FHIT: variants seen among roughly 807,000 people sequenced by gnomAD.
FHIT encodes the protein fragile histidine triad diadenosine triphosphatase.
A neutral mutation model predicts 17.9 loss-of-function variants in FHIT; 19 were observed. The observed-to-expected ratio is 1.06, with a 90% CI of 0.74 to 1.56. FHIT has a LOEUF of 1.56. Among genes scored for constraint, FHIT ranks in the 40% most tolerant of loss-of-function variants. The probability of loss-of-function intolerance (pLI) is 0.00; values close to 1 mark genes in which losing one functional copy is unlikely to be tolerated. For missense variants in FHIT, 248 were observed against 189.2 expected (o/e 1.31, Z -1.82); for synonymous variants, 81 against 69.7 (o/e 1.16, Z -0.81).
At chr3:60,170,373 C>G (rs1051121158) in intron 5 of FHIT, among the ~76,000 whole-genome samples, 9 of 152,138 alleles carry the variant, frequency 5.9e-5, no homozygotes, top group African/African-American at 1.9e-4. Flanking sequence ...AGCTTGGTAT[C>G]CCCACTATTT....
At chr3:59,958,553 A>G (rs1353693217) in intron 7 of FHIT, among the ~76,000 whole-genome samples, 1 of 152,246 alleles carries the variant, frequency 6.6e-6, no homozygotes, top group Admixed American at 6.5e-5. Context: ...TAACAAAATC[A>G]GGAACAGCAA....
chr3:60,550,874 G>A (rs1254706181), intron 4 of FHIT, among the ~76,000 whole-genome samples: 1 of 152,102 alleles, frequency 6.6e-6, no homozygotes, highest in African/African-American at 2.4e-5. Flanking sequence ...AAGCAGTAGA[G>A]ACTACAAGCC....
intron 1 of FHIT, among the ~76,000 whole-genome samples, chr3:61,227,052 A>G (rs1220951988): frequency 6.6e-6 from 1 of 152,242 alleles, no homozygotes; most frequent in African/African-American, 2.4e-5. Flanking sequence ...TCAGGTCAGT[A>G]AAGGTTTCTC....
intron 4 of FHIT, among the ~76,000 whole-genome samples, chr3:60,642,330 C>T (rs1317524517): frequency 6.6e-6 from 1 of 152,210 alleles, no homozygotes; most frequent in Non-Finnish European, 1.5e-5. Flanking sequence ...ATCTTCAAAG[C>T]CACAGTTAGT....
chr3:60,466,965 C>T (rs1036758101), intron 5 of FHIT, among the ~76,000 whole-genome samples: 14 of 151,616 alleles, frequency 9.2e-5, no homozygotes, highest in South Asian at 2.1e-4. Context: ...TGGTTCTTTA[C>T]GCATTTGCTA....
chr3:59,788,850 C>G (rs925299451), intron 8 of FHIT, among the ~76,000 whole-genome samples: 6 of 114,826 alleles, frequency 5.2e-5, no homozygotes, highest in African/African-American at 2.1e-4. Flanking sequence ...CCACTAATGT[C>G]TCAGAACCAC....
chr3:60,354,758 T>C (rs921716033), intron 5 of FHIT, among the ~76,000 whole-genome samples: 2 of 152,222 alleles, frequency 1.3e-5, no homozygotes, highest in Non-Finnish European at 2.9e-5. Flanking sequence ...TGGCTGATTC[T>C]GCTTAACTCT....
intron 5 of FHIT, among the ~76,000 whole-genome samples, chr3:60,362,451 A>T (rs925557425): frequency 2.6e-5 from 4 of 152,176 alleles, no homozygotes; most frequent in Non-Finnish European, 5.9e-5. Flanking sequence ...GAACAAATTA[A>T]TTTATCTCAC....
intron 4 of FHIT, among the ~76,000 whole-genome samples, chr3:60,604,860 T>A (rs550149141): frequency 6.6e-6 from 1 of 152,278 alleles, no homozygotes; most frequent in South Asian, 2.1e-4. Context: ...ATAGATTCCA[T>A]TCTGTTATCA....
intron 4 of FHIT, among the ~76,000 whole-genome samples, chr3:60,731,625 A>G (rs2042032008): frequency 6.6e-6 from 1 of 152,048 alleles, no homozygotes; most frequent in Non-Finnish European, 1.5e-5. Context: ...GCGTCCCTAT[A>G]AGGTCATACA....
At chr3:60,487,330 TACTC>T (rs751518223) in intron 5 of FHIT, among the ~76,000 whole-genome samples, 3 of 152,206 alleles carry the variant, frequency 2.0e-5, no homozygotes, top group Non-Finnish European at 4.4e-5. Flanking sequence ...ATGAGAAACT[TACTC>T]AGGCAGGCTC....
At chr3:60,974,211 T>G (rs934834178) in intron 3 of FHIT, among the ~76,000 whole-genome samples, 1 of 152,226 alleles carries the variant, frequency 6.6e-6, no homozygotes, top group African/African-American at 2.4e-5. Context: ...TTTTTCCTCA[T>G]ACAAAATTTA....
intron 3 of FHIT, among the ~76,000 whole-genome samples, chr3:60,983,257 T>C (rs1710570951): frequency 6.6e-6 from 1 of 151,950 alleles, no homozygotes; most frequent in Non-Finnish European, 1.5e-5. Flanking sequence ...TTTATTGGAA[T>C]GTGCCATCCA....
At chr3:60,798,790 C>T (rs2594163) in intron 4 of FHIT, among the ~76,000 whole-genome samples, 53,060 of 134,014 alleles carry the variant, frequency 0.4, 11,940 homozygotes, top group East Asian at 0.77. Flanking sequence ...CTGAGTCTTG[C>T]TCTGTTGCCC....
intron 4 of FHIT, among the ~76,000 whole-genome samples, chr3:60,614,751 G>A (rs552375066): frequency 2.1e-4 from 32 of 151,750 alleles, no homozygotes; most frequent in African/African-American, 7.5e-4. Context: ...CATCGTAACA[G>A]GGTGCCTGGT....
At chr3:59,935,117 T>C (rs533973913) in intron 7 of FHIT, among the ~76,000 whole-genome samples, 31 of 152,266 alleles carry the variant, frequency 2.0e-4, no homozygotes, top group African/African-American at 7.0e-4. Context: ...CAGTTAGACA[T>C]GCAGGAGCTC....
At chr3:60,985,688 G>A (rs1477573122) in intron 3 of FHIT, among the ~76,000 whole-genome samples, 1 of 152,198 alleles carries the variant, frequency 6.6e-6, no homozygotes, top group East Asian at 1.9e-4. Context: ...TTTCTGATTG[G>A]ATAAATGTAA....
intron 8 of FHIT, among the ~76,000 whole-genome samples, chr3:59,842,766 T>C (rs575789423): frequency 6.6e-6 from 1 of 152,282 alleles, no homozygotes; most frequent in African/African-American, 2.4e-5. Context: ...ATTTTTGTTG[T>C]TGTTGCTGAG....
chr3:60,401,166 T>C (rs1036603016), intron 5 of FHIT, among the ~76,000 whole-genome samples: 4 of 152,188 alleles, frequency 2.6e-5, no homozygotes, highest in Admixed American at 6.5e-5. Context: ...TTTGCTTTGC[T>C]TGTAGTGATT....
Sources: gnomAD v4.1 joint callset for allele counts (sites outside exome capture counted in the v4.1 genomes callset) on GRCh38, gnomAD v4.1.1 for gene constraint, MANE v1.5 for transcripts, NCBI Gene and HGNC (gene_info 2026-07-23, HGNC 2026-07-21) for gene names.